The following HR variants were observed in gnomAD, a reference collection of about 807,000 sequenced individuals.
The protein encoded by HR is lysine-specific demethylase hairless.
In HR, 83 loss-of-function variants were observed where a neutral mutation model predicts 128.6. The observed-to-expected ratio is 0.65, with a 90% CI of 0.54 to 0.77. The LOEUF is 0.77. Among genes scored for constraint, HR ranks in the 30% least tolerant of loss-of-function variants. The pLI, the probability that HR is intolerant of heterozygous loss-of-function variation, is 0.00. For missense variants in HR, 1,490 were observed against 1,574.6 expected, an observed-to-expected ratio of 0.95 and a Z score of 0.91; for synonymous variants, 681 against 658.2, an observed-to-expected ratio of 1.03 and a Z score of -0.53.
rs750914483 is a variant in HR, at chr8:22,129,128, C to G, written c.43G>C (p.Glu15Gln). 10 of 1,559,580 alleles carry G rather than the reference C, an allele frequency of 6.4e-6. No individual in the cohort carries two copies. The highest frequency in any genetic ancestry group is 8.7e-6 in the Non-Finnish European group (10 of 1,155,942). Residue 15 changes from glutamate (E) to glutamine (Q), a missense_variant, in exon 2 of 19, where the codon GAG (glutamate) becomes CAG (glutamine). Coordinates refer to ENST00000381418, the MANE Select transcript of HR (RefSeq NM_005144.5). ...PSFLKGTPTW[E>Q]KTAPENGIVR... ...ATGCCGTTCTCTGGGGCCGTCTTCT[C>G]CCAGGTTGGGGTGCCCTTCAGGAAG...
At chr8:22,124,439 T>C (rs13256571) in intron 5 of HR, among the ~76,000 whole-genome samples, 8,919 of 152,228 alleles carry the variant, frequency 0.059, 410 homozygotes, top group Non-Finnish European at 0.084. Context: ...TAAGCCATTG[T>C]TGGTAGGTGG....
intron 13 of HR, 93 bp from the exon 14 acceptor site, chr8:22,119,983 CA>C (rs934203828): frequency 1.2e-6 from 2 of 1,601,474 alleles, no homozygotes; most frequent in African/African-American, 2.7e-5. Flanking sequence ...TCCCAGAGGG[CA>C]AACATGAGAG....
intron 16 of HR, chr8:22,118,742 C>T (rs145922481): frequency 7.2e-5 from 43 of 597,106 alleles, no homozygotes; most frequent in African/African-American, 1.3e-4. Flanking sequence ...GCTCTCCTGC[C>T]GCAGCCCCTG....
At chr8:22,123,556 T>A (rs1826806941) in intron 6 of HR, 93 bp downstream of exon 6, 1 of 1,311,026 alleles carries the variant, frequency 7.6e-7, no homozygotes, top group South Asian at 1.4e-5. Flanking sequence ...GTAGGGGGCT[T>A]TTTGGGGAGA....
chr8:22,125,438 G>A lies in HR; in HGVS notation c.1623C>T (p.Gly541=), dbSNP rs769209819. Residue 541 remains glycine, a synonymous_variant, in exon 5 of 19, where the codon GGC becomes GGT. Coordinates refer to ENST00000381418, the MANE Select transcript of HR (RefSeq NM_005144.5). ...GCCGGCTGTCAGGGCCGGACCCTGG[G>A]CCTTCCTCAGAGCTGGAGTTGGTGG... The part of the protein sequence containing the change: ...DTATNSSSEE[G]PGSGPDSRLS... 6.2e-7 allele frequency: 1 copy of A among 1,613,338 alleles called. No individual in the cohort carries two copies.
rs1339196873 is a variant in HR, at chr8:22,119,056, G to A, written c.3107C>T (p.Ser1036Leu). ...CCAGAGCCCCTCCCCGTCCAGGCCTGAAAGGAAGTCTGAGGAGGAAAGAGC... is the reference window on the plus strand; with the variant it reads ...CCAGAGCCCCTCCCCGTCCAGGCCTAAAAGGAAGTCTGAGGAGGAAAGAGC... ...AWHRAQKDFL[S>L]GLDGEGLWSP... The change falls in exon 16 of 19, where the codon TCA (serine) becomes TTA (leucine). Residue 1036 changes from serine (S) to leucine (L), a missense_variant. By Grantham distance (145) the Ser-to-Leu change is moderately radical (BLOSUM62 -2). Transcript: ENST00000381418. 1 of 1,613,294 alleles carries A rather than the reference G, an allele frequency of 6.2e-7. No individual in the cohort carries two copies. Among genetic ancestry groups the A allele is most frequent in the Non-Finnish European group, 8.5e-7 (1 of 1,179,888 alleles).
chr8:22,118,630 T>C (rs956985895), intron 16 of HR: 7 of 413,820 alleles, frequency 1.7e-5, no homozygotes, highest in African/African-American at 1.4e-4. Context: ...GCCTGCCTCA[T>C]GGGGCGGGGG....
At chr8:22,126,578 T>C (rs1177422981) in intron 3 of HR, among the ~76,000 whole-genome samples, 1 of 152,240 alleles carries the variant, frequency 6.6e-6, no homozygotes, top group Non-Finnish European at 1.5e-5. Flanking sequence ...TTACTGAGTG[T>C]TCACTGGGTG....
At chr8:22,127,918 G>A in intron 2 of HR, 89 bp from the exon 3 acceptor site, 2 of 1,267,810 alleles carry the variant, frequency 1.6e-6, no homozygotes, top group Non-Finnish European at 2.3e-6. Context: ...AGAAGGAAGG[G>A]GAGAATACTG....
At chr8:22,122,669 C>A in intron 7 of HR, 61 bp from the exon 8 acceptor site, 2 of 1,505,356 alleles carry the variant, frequency 1.3e-6, no homozygotes, top group South Asian at 2.4e-5. Context: ...ACAGGCAGTC[C>A]CGGGCAGCTT....
At chr8:22,129,996 C>T (rs374237675) in intron 1 of HR, among the ~76,000 whole-genome samples, 1 of 152,176 alleles carries the variant, frequency 6.6e-6, no homozygotes, top group South Asian at 2.1e-4. Flanking sequence ...GCTGCCCTAG[C>T]CCAGCCAGCA....
chr8:22,122,682 C>A, intron 7 of HR, 74 bp from the exon 8 acceptor site: 2 of 1,495,770 alleles, frequency 1.3e-6, no homozygotes, highest in Non-Finnish European at 1.8e-6. Flanking sequence ...GGCAGCTTGG[C>A]CTTGCCAAGC....
At position 22,120,349 on chromosome 8, in the gene HR, C is replaced by A. The variant is rs767109447; in HGVS notation, c.2769G>T (p.Trp923Cys). Residue 923 changes from tryptophan (W) to cysteine (C), a missense_variant, in exon 12 of 19, where the codon TGG becomes TGT. Physicochemically the swap from Trp to Cys is radical, Grantham distance 215. This residue lies in a region of HR where 423 missense variants were observed against 495.9 expected (regional missense o/e 0.85). Coordinates refer to ENST00000381418, the MANE Select transcript of HR (RefSeq NM_005144.5). ...GSTTFWEGFS[W>C]PELRPKSDEG... ...TGTGTTGGGGACACTTACGCTCAGG[C>A]CAGGAGAAGCCCTCCCAGAATGTTG... The A allele has an allele frequency of 1.2e-6, 2 of 1,613,688 alleles. No homozygotes were observed. The highest frequency in any genetic ancestry group is 3.3e-5 in the Admixed American group (2 of 60,010).
intron 6 of HR, 32 bp downstream of exon 6, chr8:22,123,617 T>TTGGGCGCC: frequency 3.4e-6 from 1 of 292,092 alleles, no homozygotes; most frequent in Non-Finnish European, 6.2e-6. Context: ...GAGGGCTCCA[T>TTGGGCGCC]CCCGCCCTCC....
intron 11 of HR, 91 bp downstream of exon 11, chr8:22,120,625 G>A: frequency 6.4e-7 from 1 of 1,571,334 alleles, no homozygotes; most frequent in Non-Finnish European, 8.6e-7. Flanking sequence ...TGCTCCCCCT[G>A]AGCCACTGGG....
chr8:22,123,537 G>A (rs1288435972), intron 6 of HR, 112 bp downstream of exon 6: 37 of 1,037,498 alleles, frequency 3.6e-5, no homozygotes, highest in Non-Finnish European at 5.1e-5. Flanking sequence ...GGCTGGGGCT[G>A]TGCAGTGGGT....
rs1025210600 is a variant in HR at position 22,127,093 on chromosome 8, C to T, written c.1349G>A (p.Arg450Gln). ...EQGAGGWQEVRDTSIGNKDVD... is the reference protein window; with the variant it reads ...EQGAGGWQEVQDTSIGNKDVD... ...ATCCTTGTTCCCTATCGATGTGTCC[C>T]GCACCTCCTGCCAACCCCCAGCCCC... The change falls in exon 3 of 19, where the codon CGG becomes CAG. Residue 450 changes from arginine (R) to glutamine (Q), a missense_variant. Around this residue, in one of 3 missense-constraint regions of HR, gnomAD observed 1,060 missense variants for 1,060.9 expected, o/e 1.00. Coordinates refer to ENST00000381418, the MANE Select transcript of HR (RefSeq NM_005144.5). 11 of 1,611,176 alleles carry T rather than the reference C, an allele frequency of 6.8e-6. No individual in the cohort carries two copies. The highest frequency in any genetic ancestry group is 4.5e-5 in the East Asian group (2 of 44,830).
rs747159024 is a variant in HR at position 22,127,222 on chromosome 8, C to A, written c.1220G>T (p.Arg407Leu). The A allele has an allele frequency of 1.2e-6, 2 of 1,612,916 alleles. No individual in the cohort carries two copies. Among genetic ancestry groups the A allele is most frequent in the Admixed American group, 1.7e-5 (1 of 60,008 alleles). ...CPEVEERPVA[R>L]LRALKRAGSP... Reference sequence around the variant, plus strand: ...GCCTGCCCTTTTGAGGGCCCGGAGCCGAGCAACCGGCCTCTCCTCGACCTC... The same window carrying A: ...GCCTGCCCTTTTGAGGGCCCGGAGCAGAGCAACCGGCCTCTCCTCGACCTC... Residue 407 changes from arginine to leucine, a missense_variant, in exon 3 of 19, where the codon CGG (arginine) becomes CTG (leucine). Around this residue, in one of 3 missense-constraint regions of HR, gnomAD observed 1,060 missense variants for 1,060.9 expected, o/e 1.00. Transcript: ENST00000381418.
chr8:22,119,630 AAG>A, intron 14 of HR, 128 bp downstream of exon 14: 16 of 1,211,584 alleles, frequency 1.3e-5, no homozygotes, highest in East Asian at 7.7e-5. Flanking sequence ...AAAAAAAAAA[AAG>A]AAAGAAAGAA....
Sources: gnomAD v4.1 joint callset for allele counts (sites outside exome capture counted in the v4.1 genomes callset) on GRCh38, gnomAD v4.1.1 for gene constraint, gnomAD v4.1.1 regional missense constraint, MANE v1.5 for transcripts, NCBI Gene and HGNC (gene_info 2026-07-23, HGNC 2026-07-21) for gene names.